The following UBAP2 variants were observed in gnomAD, a reference collection of about 807,000 sequenced individuals.
UBAP2 encodes the protein ubiquitin-associated protein 2.
In UBAP2, 75 loss-of-function variants were observed where a neutral mutation model predicts 139.6. The observed-to-expected ratio is 0.54, with a 90% CI of 0.45 to 0.65. The LOEUF is 0.65. Ranked by LOEUF, UBAP2 falls within the 30% of genes least tolerant of loss-of-function variation. The pLI is 0.00. For missense variants in UBAP2, 1,368 were observed against 1,369.6 expected (o/e 1.00, Z 0.02); for synonymous variants, 526 against 526.2 (o/e 1.00, Z 0.01).
At chr9:33,997,872 T>C (rs558010984) in intron 3 of UBAP2, 1 of 152,288 alleles carries the variant, frequency 6.6e-6, no homozygotes, top group East Asian at 1.9e-4. Flanking sequence ...CAAGATTTCA[T>C]TGTGAGACCT....
At chr9:33,935,692 AC>A (rs1195602798) in intron 17 of UBAP2, 146 bp downstream of exon 17, 1 of 846,110 alleles carries the variant, frequency 1.2e-6, no homozygotes, top group African/African-American at 1.7e-5. Flanking sequence ...CACAGCCAAC[AC>A]CTGGTCCAAA....
At chr9:33,962,307 A>G (rs1827108583) in intron 9 of UBAP2, among the ~76,000 whole-genome samples, 2 of 152,232 alleles carry the variant, frequency 1.3e-5, no homozygotes, top group Admixed American at 6.5e-5. Context: ...TTTATACATG[A>G]TATGTAGTAA....
At chr9:34,043,698 A>T (rs1158204806) in intron 1 of UBAP2, among the ~76,000 whole-genome samples, 1 of 151,636 alleles carries the variant, frequency 6.6e-6, no homozygotes, top group African/African-American at 2.4e-5. Flanking sequence ...GTCTCACTAT[A>T]TTGCCCACGC....
intron 1 of UBAP2, among the ~76,000 whole-genome samples, chr9:34,047,983 AACAGT>A (rs1379067103): frequency 1.3e-5 from 2 of 152,212 alleles, no homozygotes; most frequent in Non-Finnish European, 2.9e-5. Context: ...AACAGGAAAT[AACAGT>A]AATAATGATG....
chr9:33,944,516 A>T lies in UBAP2; in HGVS notation c.1394T>A (p.Leu465His), dbSNP rs1342194292. The change falls in exon 14 of 29, where the codon CTT becomes CAT. Residue 465 changes from leucine to histidine, a missense_variant. Leu to His is a moderately conservative substitution (Grantham distance 99, BLOSUM62 -3). Transcript: ENST00000379238. ...GLESFPSQAK[L>H]RESTPGDSPS... ...ACTGTCTCCAGGTGTTGATTCTCGA[A>T]GTTTTGCCTGGGAAGGAAAGGACTC... The T allele has an allele frequency of 6.2e-7, 1 of 1,613,966 alleles. No homozygotes were observed. The highest frequency in any genetic ancestry group is 1.3e-5 in the African/African-American group (1 of 74,878).
chr9:33,995,499 A>G (rs1822105577), intron 4 of UBAP2: 1 of 131,202 alleles, frequency 7.6e-6, no homozygotes. Context: ...TATTAAATAT[A>G]TATATTTATA....
intron 1 of UBAP2, among the ~76,000 whole-genome samples, chr9:34,045,356 G>T (rs2131384491): frequency 6.6e-6 from 1 of 151,456 alleles, no homozygotes; most frequent in African/African-American, 2.4e-5. Flanking sequence ...AAAAAAAAAG[G>T]GTAGAAAAAA....
intron 17 of UBAP2, 124 bp from the exon 18 acceptor site, chr9:33,933,752 C>T (rs1824209071): frequency 2.9e-6 from 4 of 1,380,834 alleles, no homozygotes; most frequent in African/African-American, 1.4e-5. Context: ...CATAAAGTTA[C>T]ATTCCCCAGG....
At chr9:33,994,181 G>A (rs1171909370) in intron 4 of UBAP2, among the ~76,000 whole-genome samples, 2 of 152,032 alleles carry the variant, frequency 1.3e-5, no homozygotes, top group Admixed American at 6.6e-5. Context: ...GGCATGAGCC[G>A]CAGTGCCCAG....
intron 1 of UBAP2, among the ~76,000 whole-genome samples, chr9:34,043,909 C>T (rs1564078703): frequency 2.0e-5 from 3 of 151,416 alleles, no homozygotes; most frequent in Admixed American, 6.6e-5. Context: ...AGGTGGATCA[C>T]CTGAGGTCAG....
chr9:33,993,073 A>C (rs1325466892), intron 4 of UBAP2, among the ~76,000 whole-genome samples: 2 of 152,194 alleles, frequency 1.3e-5, no homozygotes, highest in Non-Finnish European at 2.9e-5. Flanking sequence ...CATCAACCAA[A>C]CATTATGATG....
chr9:34,037,028 A>AC (rs1826482552), intron 1 of UBAP2, among the ~76,000 whole-genome samples: 1 of 117,956 alleles, frequency 8.5e-6, no homozygotes, highest in Admixed American at 1.2e-4. Flanking sequence ...TCGCTCTATC[A>AC]CCCGGGCTGG....
At chr9:33,975,456 C>A (rs1402014917) in intron 6 of UBAP2, among the ~76,000 whole-genome samples, 45 of 139,214 alleles carry the variant, frequency 3.2e-4, no homozygotes, top group Non-Finnish European at 4.8e-4. Context: ...AAAAAAAAAA[C>A]CAAGTGTTGA....
chr9:34,016,082 G>C (rs1302233915), intron 2 of UBAP2, among the ~76,000 whole-genome samples: 1 of 151,912 alleles, frequency 6.6e-6, no homozygotes, highest in Non-Finnish European at 1.5e-5. Flanking sequence ...TAAATTAATA[G>C]AAGGGAGAAA....
At position 33,924,086 on chromosome 9, in the gene UBAP2, G is replaced by A. The variant is rs1217524549; in HGVS notation, c.2591-86C>T. On this transcript the variant is annotated intron_variant, in intron 23 of 28. Transcript: ENST00000379238. ...GCTTCTGCAAACAGGAACAGGTCTG[G>A]CTGCCAGCTCAGCACAGGCTACTAA... The A allele has an allele frequency of 3.1e-6, 5 of 1,588,196 alleles. No homozygotes were observed. In the Admixed American group the frequency reaches 8.3e-5, roughly 27 times the overall value.
chr9:33,923,324 G>A lies in UBAP2; in HGVS notation c.2897-31C>T, dbSNP rs1454788374. 13 of 1,613,642 alleles carry A rather than the reference G, an allele frequency of 8.1e-6. No homozygotes were observed. The East Asian group carries it at 8.9e-5, about 11-fold the overall frequency. On this transcript the variant is annotated intron_variant, in intron 25 of 28. Coordinates refer to ENST00000379238, the MANE Select transcript of UBAP2 (RefSeq NM_001370062.2). ...GTGGCAGGGTACAAGAGGCAAGTGTGAGCCAGGCAAGCCTGTCTAACCCCA... is the reference window on the plus strand; with the variant it reads ...GTGGCAGGGTACAAGAGGCAAGTGTAAGCCAGGCAAGCCTGTCTAACCCCA...
chr9:33,941,721 C>G lies in UBAP2; in HGVS notation c.1857G>C (p.Gln619His), dbSNP rs1276722081. 1.1e-5 allele frequency: 17 copies of G among 1,613,968 alleles called. No homozygotes were observed. Among genetic ancestry groups the G allele is most frequent in the Non-Finnish European group, 1.4e-5 (17 of 1,180,022 alleles). ...ATGGGATCCTGTTATGCACAGAACT[C>G]TGGTCATAAGAGGAAGACATTGCTA... Reference protein sequence around the residue: ...SPVAMSSSYDQSSVHNRIPYQ... With the variant: ...SPVAMSSSYDHSSVHNRIPYQ... The change falls in exon 16 of 29, where the codon CAG becomes CAC. Residue 619 changes from glutamine (Q) to histidine (H), a missense_variant. Physicochemically the swap from Gln to His is conservative, Grantham distance 24. Coordinates refer to ENST00000379238, the MANE Select transcript of UBAP2 (RefSeq NM_001370062.2).
At chr9:33,932,693 C>T (rs146015279) in intron 18 of UBAP2, 65 bp from the exon 19 acceptor site, 1,381 of 1,563,780 alleles carry the variant, frequency 8.8e-4, no homozygotes, top group Non-Finnish European at 1.1e-3. Context: ...ACAAGACGCA[C>T]GTGGGTCAGT....
In UBAP2 at chr9:33,922,615, A is replaced by C. The variant is rs779395548; in HGVS notation, c.3265-16T>G. ...CCGAGCCACTCTGAGGAAGAGGAGAAGGGAAGGCTGTCAAGGCTGGAGCAG... is the reference window on the plus strand; with the variant it reads ...CCGAGCCACTCTGAGGAAGAGGAGACGGGAAGGCTGTCAAGGCTGGAGCAG... On this transcript the variant is annotated splice_polypyrimidine_tract_variant and intron_variant, in intron 28 of 28. Coordinates refer to ENST00000379238, the MANE Select transcript of UBAP2 (RefSeq NM_001370062.2). 33 of 1,611,258 alleles carry C rather than the reference A, an allele frequency of 2.0e-5. No individual in the cohort carries two copies. The highest frequency in any genetic ancestry group is 2.8e-5 in the Non-Finnish European group (33 of 1,178,502).
Sources: gnomAD v4.1 joint callset for allele counts (sites outside exome capture counted in the v4.1 genomes callset) on GRCh38, gnomAD v4.1.1 for gene constraint, MANE v1.5 for transcripts, NCBI Gene and HGNC (gene_info 2026-07-23, HGNC 2026-07-21) for gene names.